Variants in CADPS2 observed in about 807,000 individuals in gnomAD.
CADPS2 encodes the protein calcium dependent secretion activator 2.
Under a neutral mutation model 172.5 loss-of-function variants are expected in CADPS2, and 93 were observed. The ratio of observed to expected loss-of-function variants is 0.54; its 90% CI spans 0.46 to 0.64. The LOEUF is 0.64. CADPS2 is among the 30% of genes least tolerant of loss of function. The pLI is 0.00. For synonymous variants in CADPS2, 546 were observed against 555.2 expected (o/e 0.98, Z 0.23); for missense variants, 1,420 against 1,565.9 (o/e 0.91, Z 1.57).
intron 17 of CADPS2, among the ~76,000 whole-genome samples, chr7:122,427,701 T>G (rs1320532423): frequency 6.6e-6 from 1 of 152,188 alleles, no homozygotes; most frequent in East Asian, 1.9e-4. Context: ...TGGGCTTTGG[T>G]GATGGCTTTG....
intron 8 of CADPS2, among the ~76,000 whole-genome samples, chr7:122,553,258 T>A (rs139161123): frequency 2.6e-5 from 4 of 152,272 alleles, no homozygotes; most frequent in Non-Finnish European, 5.9e-5. Flanking sequence ...AATATCACAT[T>A]AAAGTTTGTC....
intron 7 of CADPS2, among the ~76,000 whole-genome samples, chr7:122,580,679 A>G (rs1215434484): frequency 6.6e-6 from 1 of 152,160 alleles, no homozygotes; most frequent in Non-Finnish European, 1.5e-5. Flanking sequence ...GACTATAGGA[A>G]AAGAATAATG....
intron 1 of CADPS2, chr7:122,850,134 C>A: frequency 8.0e-7 from 1 of 1,243,966 alleles, no homozygotes; most frequent in Non-Finnish European, 1.1e-6. Flanking sequence ...CGAGTTTTAG[C>A]AACTGCTGAA....
intron 17 of CADPS2, 55 bp from the exon 18 acceptor site, chr7:122,416,219 T>A: frequency 3.2e-6 from 3 of 946,054 alleles, no homozygotes; most frequent in Non-Finnish European, 4.8e-6. Flanking sequence ...GCCAAACATA[T>A]TTGAAGACGT....
In CADPS2 at chr7:122,705,956, A is replaced by AT. The variant is rs1398982918; in HGVS notation, c.453+30998dup. ...TATATTATATAATATAATATATAAT[A>AT]TATATATAATATAATATAATATATA... On this transcript the variant is annotated intron_variant, in intron 2 of 29. Coordinates refer to ENST00000449022, the MANE Select transcript of CADPS2 (RefSeq NM_017954.11). Among the ~76,000 whole-genome samples the AT allele has an allele frequency of 2.3e-3, 2 of 888 alleles. 1 individual carries two copies. Among genetic ancestry groups the AT allele is most frequent in the African/African-American group, 4.2e-3 (2 of 474 alleles). 0.6% of individuals were successfully genotyped at this position (888 alleles called of 152,430 possible). A position where few individuals can be genotyped will look rare whatever the true frequency, so the allele number is the denominator to read the frequency against.
intron 1 of CADPS2, among the ~76,000 whole-genome samples, chr7:122,750,002 C>A (rs2092883802): frequency 6.6e-6 from 1 of 150,996 alleles, no homozygotes; most frequent in African/African-American, 2.4e-5. Flanking sequence ...TGTAACTTCC[C>A]CAGGAAGAGG....
chr7:122,751,905 T>C (rs923071159), intron 1 of CADPS2, among the ~76,000 whole-genome samples: 1 of 152,176 alleles, frequency 6.6e-6, no homozygotes, highest in African/African-American at 2.4e-5. Flanking sequence ...CTGACAGATA[T>C]AGGGCCAGGT....
intron 25 of CADPS2, among the ~76,000 whole-genome samples, chr7:122,376,862 T>C (rs1196537427): frequency 1.3e-5 from 2 of 152,180 alleles, no homozygotes; most frequent in Admixed American, 6.5e-5. Flanking sequence ...ATATTAAGCA[T>C]GTACAATTTT....
intron 2 of CADPS2, among the ~76,000 whole-genome samples, chr7:122,733,194 T>C (rs1272507113): frequency 3.3e-5 from 5 of 151,530 alleles, no homozygotes; most frequent in African/African-American, 4.8e-5. Context: ...CACAAAATCA[T>C]GAAATGAAGG....
chr7:122,721,101 G>GA (rs991973338), intron 2 of CADPS2, among the ~76,000 whole-genome samples: 1 of 151,868 alleles, frequency 6.6e-6, no homozygotes, highest in Non-Finnish European at 1.5e-5. Context: ...ACACAAAAAG[G>GA]AAAACTTAAA....
intron 1 of CADPS2, among the ~76,000 whole-genome samples, chr7:122,818,047 C>T (rs929329822): frequency 2.0e-5 from 3 of 151,176 alleles, no homozygotes; most frequent in Non-Finnish European, 4.4e-5. Flanking sequence ...CCCTTATTTC[C>T]ATGCCCCAAC....
chr7:122,402,761 A>C (rs2151607503), intron 20 of CADPS2, among the ~76,000 whole-genome samples: 1 of 152,346 alleles, frequency 6.6e-6, no homozygotes, highest in East Asian at 1.9e-4. Flanking sequence ...TTAGCAGCCT[A>C]TTTTGTGTAA....
chr7:122,860,021 C>A (rs1453903311), intron 1 of CADPS2, among the ~76,000 whole-genome samples: 2 of 152,020 alleles, frequency 1.3e-5, no homozygotes, highest in African/African-American at 4.8e-5. Context: ...AAAGGATGAT[C>A]AGAAAATTCA....
At chr7:122,706,770 ATGTG>A (rs1358331791) in intron 2 of CADPS2, among the ~76,000 whole-genome samples, 1 of 147,386 alleles carries the variant, frequency 6.8e-6, no homozygotes, top group African/African-American at 2.5e-5. Context: ...TATAAAATGT[ATGTG>A]TGTGTGTGTA....
intron 11 of CADPS2, among the ~76,000 whole-genome samples, chr7:122,483,598 T>A (rs1423789189): frequency 1.3e-5 from 2 of 152,076 alleles, no homozygotes; most frequent in African/African-American, 4.8e-5. Flanking sequence ...ACATTTTTCT[T>A]TCACTTTTAA....
At chr7:122,642,270 A>C (rs1224998426) in intron 3 of CADPS2, among the ~76,000 whole-genome samples, 2 of 132,044 alleles carry the variant, frequency 1.5e-5, no homozygotes, top group Admixed American at 8.3e-5. Context: ...GCACAGTGAG[A>C]CTCCATCTCA....
intron 1 of CADPS2, among the ~76,000 whole-genome samples, chr7:122,779,657 C>T (rs527578684): frequency 1.7e-4 from 26 of 152,108 alleles, no homozygotes; most frequent in Non-Finnish European, 3.2e-4. Context: ...CTTTGTTTCC[C>T]CCCTTTCTAA....
intron 12 of CADPS2, 88 bp from the exon 13 acceptor site, chr7:122,474,605 C>A: frequency 5.6e-6 from 7 of 1,243,504 alleles, no homozygotes; most frequent in Non-Finnish European, 7.8e-6. Context: ...AAATGCGTGA[C>A]TCAAGCAGAA....
At chr7:122,391,609 G>A (rs1358628529) in intron 22 of CADPS2, among the ~76,000 whole-genome samples, 1 of 152,048 alleles carries the variant, frequency 6.6e-6, no homozygotes, top group Non-Finnish European at 1.5e-5. Flanking sequence ...ACACTCTAAT[G>A]ACCAAAAGCA....
Sources: gnomAD v4.1 joint callset for allele counts (sites outside exome capture counted in the v4.1 genomes callset) on GRCh38, gnomAD v4.1.1 for gene constraint, MANE v1.5 for transcripts, NCBI Gene and HGNC (gene_info 2026-07-23, HGNC 2026-07-21) for gene names.